Variants in PLEKHA5 observed in about 807,000 individuals in gnomAD.
PLEKHA5 encodes pleckstrin homology domain containing A5.
PLEKHA5 carries 55 observed loss-of-function variants against 181.9 expected under a neutral mutation model. The ratio of observed to expected loss-of-function variants is 0.30; its 90% CI spans 0.24 to 0.38. The LOEUF (loss-of-function observed/expected upper bound fraction) is 0.38, where lower values mean the gene tolerates loss of function less well. PLEKHA5 is among the 10% of genes least tolerant of loss of function. PLEKHA5 has a pLI of 1.00. For synonymous variants in PLEKHA5, 535 were observed against 529.4 expected, an observed-to-expected ratio of 1.01 and a Z score of -0.15; for missense variants, 1,432 against 1,549.5, an observed-to-expected ratio of 0.92 and a Z score of 1.27.
chr12:19,370,625 ACAG>A (rs1472107697), intron 31 of PLEKHA5: 1 of 152,106 alleles, frequency 6.6e-6, no homozygotes, highest in Non-Finnish European at 1.5e-5. Flanking sequence ...TTTCTGCTGA[ACAG>A]CAGCAGAAAC....
intron 3 of PLEKHA5, among the ~76,000 whole-genome samples, chr12:19,143,686 A>G (rs1394660305): frequency 6.6e-6 from 1 of 152,124 alleles, no homozygotes; most frequent in African/African-American, 2.4e-5. Context: ...AATGTTTCAC[A>G]TTGACAGTTA....
chr12:19,258,561 CT>C (rs71440398), intron 6 of PLEKHA5, among the ~76,000 whole-genome samples: 21 of 123,800 alleles, frequency 1.7e-4, no homozygotes, highest in East Asian at 7.0e-4. Context: ...TTTTCTTTTT[CT>C]TTTTTTTTTT....
intron 28 of PLEKHA5, among the ~76,000 whole-genome samples, chr12:19,360,741 A>G (rs1457415886): frequency 6.6e-6 from 1 of 150,514 alleles, no homozygotes. Context: ...CCCAACAGCT[A>G]GGTCTTAGCA....
intron 3 of PLEKHA5, among the ~76,000 whole-genome samples, chr12:19,188,639 T>G (rs1460448089): frequency 1.3e-5 from 2 of 152,244 alleles, no homozygotes; most frequent in Non-Finnish European, 1.5e-5. Flanking sequence ...ATGATGCTTG[T>G]TTACCTTTAA....
chr12:19,370,492 A>G (rs1260854421), intron 31 of PLEKHA5, among the ~76,000 whole-genome samples: 1 of 152,120 alleles, frequency 6.6e-6, no homozygotes, highest in Non-Finnish European at 1.5e-5. Flanking sequence ...GCGTACTCTA[A>G]AAGTTTTTTA....
intron 3 of PLEKHA5, among the ~76,000 whole-genome samples, chr12:19,136,129 T>G (rs1040644639): frequency 2.6e-5 from 4 of 152,116 alleles, no homozygotes; most frequent in Admixed American, 6.6e-5. Context: ...CACGCAATCC[T>G]CCTGCCTTGG....
At position 19,343,273 on chromosome 12, in the gene PLEKHA5, C is replaced by T. The variant is rs777245908; in HGVS notation, c.2551-50C>T. The T allele has an allele frequency of 4.0e-6, 4 of 1,004,014 alleles. No individual in the cohort carries two copies. The South Asian group carries it at 6.3e-5, about 16-fold the overall frequency. The allele number at this position is 1,004,014 out of a possible 1,614,324, so 62.2% of individuals were successfully genotyped here. On this transcript the variant is annotated intron_variant, in intron 21 of 31. Coordinates refer to ENST00000429027, the MANE Select transcript of PLEKHA5 (RefSeq NM_001256470.2). ...TAATTAATATATAATCATTTAACTT[C>T]AGTGAATGATTTTTTTTCTTATATA...
intron 3 of PLEKHA5, among the ~76,000 whole-genome samples, chr12:19,185,938 A>G (rs1424844863): frequency 2.0e-5 from 3 of 152,204 alleles, no homozygotes; most frequent in Non-Finnish European, 4.4e-5. Context: ...TAACACATTT[A>G]TCTTCTTCAG....
chr12:19,279,643 G>A (rs896137344), intron 11 of PLEKHA5, among the ~76,000 whole-genome samples: 1 of 150,112 alleles, frequency 6.7e-6, no homozygotes. Context: ...CTGGACGACA[G>A]AGTGAGACTC....
At chr12:19,162,812 AG>A (rs1236050567) in intron 3 of PLEKHA5, among the ~76,000 whole-genome samples, 2 of 152,172 alleles carry the variant, frequency 1.3e-5, no homozygotes, top group Non-Finnish European at 2.9e-5. Flanking sequence ...ATGAAAGTAA[AG>A]TGGTATAATT....
chr12:19,148,778 A>G (rs1159833634), intron 3 of PLEKHA5, among the ~76,000 whole-genome samples: 2 of 152,244 alleles, frequency 1.3e-5, no homozygotes, highest in Non-Finnish European at 2.9e-5. Context: ...AAAATTGTGT[A>G]TCAGAAAAGA....
chr12:19,129,911 G>C, intron 1 of PLEKHA5, 23 bp downstream of exon 1: 1 of 1,579,612 alleles, frequency 6.3e-7, no homozygotes, highest in Non-Finnish European at 8.6e-7. Flanking sequence ...GGACGGCACG[G>C]GGGCCCGCGG....
chr12:19,214,802 C>A (rs2057630554), intron 3 of PLEKHA5, among the ~76,000 whole-genome samples: 1 of 152,000 alleles, frequency 6.6e-6, no homozygotes, highest in African/African-American at 2.4e-5. Context: ...AAGTGAAAAC[C>A]ATGAATTGTT....
chr12:19,370,938 T>C (rs2095559641), intron 31 of PLEKHA5: 6 of 151,966 alleles, frequency 3.9e-5, no homozygotes, highest in Admixed American at 3.9e-4. Context: ...ACCCTCCCAC[T>C]GCATGAGCCA....
intron 3 of PLEKHA5, among the ~76,000 whole-genome samples, chr12:19,234,830 A>G (rs555414340): frequency 7.9e-5 from 12 of 152,304 alleles, no homozygotes; most frequent in Middle Eastern, 3.4e-3. Flanking sequence ...TAGAAGATCA[A>G]ATTGATTTGG....
chr12:19,343,755 G>C (rs2153184837), intron 22 of PLEKHA5, among the ~76,000 whole-genome samples: 1 of 152,250 alleles, frequency 6.6e-6, no homozygotes, highest in South Asian at 2.1e-4. Flanking sequence ...CTAGGCAATA[G>C]ATATTTCTCA....
intron 10 of PLEKHA5, among the ~76,000 whole-genome samples, chr12:19,270,527 G>A (rs2072328336): frequency 6.6e-6 from 1 of 151,978 alleles, no homozygotes; most frequent in African/African-American, 2.4e-5. Context: ...CCACTACTCA[G>A]ATTCCTTGAT....
intron 3 of PLEKHA5, among the ~76,000 whole-genome samples, chr12:19,223,507 A>G (rs974610031): frequency 6.6e-6 from 1 of 152,114 alleles, no homozygotes; most frequent in Non-Finnish European, 1.5e-5. Context: ...GTTTTGTTAT[A>G]TTTAAATTAC....
At chr12:19,334,829 A>AAAAAAAATATATATATATATATAT in intron 20 of PLEKHA5, among the ~76,000 whole-genome samples, 1 of 18,606 alleles carries the variant, frequency 5.4e-5, no homozygotes, top group Non-Finnish European at 1.4e-4. Context: ...AAAAAAAAAA[A>AAAAAAAATATATATATATATATAT]ATATATATAT....
Sources: gnomAD v4.1 joint callset for allele counts (sites outside exome capture counted in the v4.1 genomes callset) on GRCh38, gnomAD v4.1.1 for gene constraint, MANE v1.5 for transcripts, NCBI Gene and HGNC (gene_info 2026-07-23, HGNC 2026-07-21) for gene names.